Variants in SENP6 observed in about 807,000 individuals in gnomAD.
The protein encoded by SENP6 is SUMO specific peptidase 6, also known as sentrin-specific protease 6.
SENP6 carries 41 observed loss-of-function variants against 134.5 expected under a neutral mutation model. The observed-to-expected ratio is 0.30, with a 90% CI of 0.24 to 0.40. SENP6 has a LOEUF of 0.40. SENP6 is among the 10% of genes least tolerant of loss of function. The pLI is 1.00. For synonymous variants in SENP6, 395 were observed against 429.8 expected (o/e 0.92, Z 1.00); for missense variants, 1,248 against 1,312.5 (o/e 0.95, Z 0.76).
rs948777021 is a variant in SENP6, at chr6:75,679,031, C to A, written c.2075+104C>A. On this transcript the variant is annotated intron_variant, in intron 16 of 23. Transcript: ENST00000447266. ...GCTTTTTGAGTTTTAAATTCCATCT[C>A]TGCCACTTACTGTGTGACATTTGGG... 11 of 622,884 alleles carry A rather than the reference C, an allele frequency of 1.8e-5. No homozygotes were observed. The African/African-American group carries it at 2.1e-4, about 12-fold the overall frequency. 38.6% of individuals were successfully genotyped at this position (622,884 alleles called of 1,614,324 possible).
chr6:75,677,127 G>A lies in SENP6; in HGVS notation c.1719G>A (p.Lys573=). The A allele has an allele frequency of 1.2e-6, 2 of 1,610,560 alleles. No homozygotes were observed. Among genetic ancestry groups the A allele is most frequent in the East Asian group, 4.5e-5 (2 of 44,754 alleles). ...FESIINEIGI[K]NNISNFFAKI... is the part of the protein sequence containing the mutation. Reference sequence around the variant, plus strand: ...GTATCATTAATGAAATTGGTATAAAGAATAACATCTCCAATTTTTTTGCGA... The same window carrying A: ...GTATCATTAATGAAATTGGTATAAAAAATAACATCTCCAATTTTTTTGCGA... The change falls in exon 14 of 24, where the codon AAG becomes AAA. Residue 573 remains lysine (K), a synonymous_variant. Coordinates refer to ENST00000447266, the MANE Select transcript of SENP6 (RefSeq NM_015571.4).
At chr6:75,614,606 G>C (rs148525590) in intron 1 of SENP6, among the ~76,000 whole-genome samples, 48 of 152,256 alleles carry the variant, frequency 3.2e-4, no homozygotes, top group African/African-American at 1.1e-3. Flanking sequence ...TGTGTGGAGA[G>C]ATACTTTGAA....
intron 8 of SENP6, among the ~76,000 whole-genome samples, chr6:75,660,870 G>A (rs472458): frequency 0.31 from 47,053 of 151,870 alleles, 7,948 homozygotes; most frequent in African/African-American, 0.45. Flanking sequence ...ACCTCACGTG[G>A]TCCACCCACC....
Position 75,677,334 on chromosome 6 carries a change from G to A in SENP6, c.1848+78G>A, listed in dbSNP as rs1035626591. On this transcript the variant is annotated intron_variant, in intron 14 of 23. Transcript: ENST00000447266. ...GGGAAATATGTTTTATTTTAATACT[G>A]TTCATTTCAGTGTTAAATCTTTTTA... 4.5e-6 allele frequency: 4 copies of A among 894,396 alleles called. No homozygotes were observed. In the African/African-American group the frequency reaches 6.8e-5, roughly 15 times the overall value. 55.4% of individuals were successfully genotyped at this position (894,396 alleles called of 1,614,324 possible). A position where few individuals can be genotyped will look rare whatever the true frequency, so the allele number is the denominator to read the frequency against.
intron 6 of SENP6, among the ~76,000 whole-genome samples, chr6:75,643,048 G>A (rs1389437128): frequency 1.3e-5 from 2 of 152,056 alleles, no homozygotes; most frequent in Non-Finnish European, 2.9e-5. Context: ...TTTGAATCTT[G>A]GTAACTGTAA....
Position 75,715,539 on chromosome 6 carries a change from C to A in SENP6, c.3284C>A (p.Thr1095Lys). The A allele has an allele frequency of 6.2e-7, 1 of 1,613,340 alleles. No homozygotes were observed. The highest frequency in any genetic ancestry group is 8.5e-7 in the Non-Finnish European group (1 of 1,179,480). Reference sequence around the variant, plus strand: ...AGAAAGCATAAGGACACTTACTCAACAGAAGCACCTTTAGGCGAAGGAACA... The same window carrying A: ...AGAAAGCATAAGGACACTTACTCAAAAGAAGCACCTTTAGGCGAAGGAACA... ...EKRKHKDTYS[T>K]EAPLGEGTEQ... The change falls in exon 24 of 24, where the codon ACA becomes AAA. Residue 1095 changes from threonine (T) to lysine (K), a missense_variant. Thr to Lys is a moderately conservative substitution (Grantham distance 78). Transcript: ENST00000447266.
chr6:75,699,906 C>CTTTTG (rs1217389783), intron 18 of SENP6, among the ~76,000 whole-genome samples: 7 of 152,106 alleles, frequency 4.6e-5, no homozygotes, highest in Admixed American at 2.6e-4. Context: ...TAGGTATTTT[C>CTTTTG]TTTTGTTTTG....
chr6:75,693,410 A>T (rs903611807), intron 16 of SENP6, among the ~76,000 whole-genome samples: 7 of 58,286 alleles, frequency 1.2e-4, no homozygotes, highest in Non-Finnish European at 2.2e-4. Context: ...TCTGAAATTT[A>T]AAAAAAAAAA....
intron 16 of SENP6, among the ~76,000 whole-genome samples, chr6:75,681,657 A>G (rs191053850): frequency 1.2e-4 from 19 of 152,214 alleles, no homozygotes; most frequent in Non-Finnish European, 2.4e-4. Flanking sequence ...CAGTGAGAGA[A>G]CGGACTGATA....
At position 75,678,827 on chromosome 6, in the gene SENP6, C is replaced by A. The variant is rs1258172729; in HGVS notation, c.1975C>A (p.Pro659Thr). Residue 659 changes from proline to threonine, a missense_variant, in exon 16 of 24, where the codon CCA (proline) becomes ACA (threonine). Transcript: ENST00000447266. Reference sequence around the variant, plus strand: ...TTGTTACAGGTTGATAGTATATCCACCACCTCCAGCTAAGGGAGGCATCTC... The same window carrying A: ...TTGTTACAGGTTGATAGTATATCCAACACCTCCAGCTAAGGGAGGCATCTC... ...GPVEKLIVYP[P>T]PPAKGGISVT... 1 of 1,602,422 alleles carries A rather than the reference C, an allele frequency of 6.2e-7. No individual in the cohort carries two copies. The highest frequency in any genetic ancestry group is 8.5e-7 in the Non-Finnish European group (1 of 1,170,354).
At chr6:75,655,732 G>A (rs1370174293) in intron 7 of SENP6, among the ~76,000 whole-genome samples, 4 of 152,108 alleles carry the variant, frequency 2.6e-5, no homozygotes, top group African/African-American at 7.2e-5. Context: ...CAACACCTGG[G>A]TTGTTTCCAG....
chr6:75,603,032 G>GT (rs748585848), intron 1 of SENP6, among the ~76,000 whole-genome samples: 3 of 152,184 alleles, frequency 2.0e-5, no homozygotes, highest in Non-Finnish European at 4.4e-5. Context: ...CCTCTGGTCT[G>GT]TTTCTCAGAG....
intron 2 of SENP6, chr6:75,622,844 G>C (rs1009663873): frequency 2.8e-5 from 36 of 1,282,338 alleles, no homozygotes; most frequent in Non-Finnish European, 3.5e-5. Flanking sequence ...TTATTTGAAG[G>C]AGAGCTTTGA....
At chr6:75,678,207 AG>A (rs1006826699) in intron 14 of SENP6, 24 of 179,718 alleles carry the variant, frequency 1.3e-4, no homozygotes, top group Admixed American at 1.2e-3. Context: ...GTGTTCCCTG[AG>A]CCTCTGCCCC....
intron 1 of SENP6, among the ~76,000 whole-genome samples, chr6:75,607,963 T>A (rs1456977011): frequency 6.6e-6 from 1 of 152,200 alleles, no homozygotes; most frequent in African/African-American, 2.4e-5. Flanking sequence ...GGGTTTCTAG[T>A]TTCTGCCTAC....
In SENP6 at chr6:75,675,421, A is replaced by G. The variant is rs758344169; in HGVS notation, c.1393-14A>G. 5 of 1,380,330 alleles carry G rather than the reference A, an allele frequency of 3.6e-6. No homozygotes were observed. Among genetic ancestry groups the G allele is most frequent in the Non-Finnish European group, 5.0e-6 (5 of 995,148 alleles). 85.5% of individuals were successfully genotyped at this position (1,380,330 alleles called of 1,614,324 possible). ...TGTAAGTCTAGAGCAATACTAATTC[A>G]TCTTTTTTTTTAGTTTTGTTTAGAT... is the stretch of plus-strand genomic sequence containing the variant. On this transcript the variant is annotated splice_polypyrimidine_tract_variant and intron_variant, in intron 11 of 23. Coordinates refer to ENST00000447266, the MANE Select transcript of SENP6 (RefSeq NM_015571.4).
At chr6:75,679,433 T>G (rs191247724) in intron 16 of SENP6, 1 of 156,582 alleles carries the variant, frequency 6.4e-6, no homozygotes, top group Non-Finnish European at 1.4e-5. Flanking sequence ...ACAGGAGTTG[T>G]GAGAATTAAA....
chr6:75,718,275 TATATA>T (rs1176902532), exon 24 of SENP6: 2 of 152,174 alleles, frequency 1.3e-5, no homozygotes, highest in African/African-American at 4.8e-5. Flanking sequence ...CATATTTTAA[TATATA>T]ATATGACCAA....
rs1773052404 is a variant in SENP6 at position 75,675,911 on chromosome 6, A to C, written c.1478A>C (p.Lys493Thr). The C allele has an allele frequency of 6.2e-7, 1 of 1,611,144 alleles. No homozygotes were observed. Among genetic ancestry groups the C allele is most frequent in the African/African-American group, 1.3e-5 (1 of 74,818 alleles). The stretch of plus-strand genomic sequence containing the variant: ...ATATTAAATACCTCTGATCTAACTA[A>C]ATGTGAATGGTGTAATGTCCGAAAA... ...EIILNTSDLT[K>T]CEWCNVRKLP... Residue 493 changes from lysine (K) to threonine (T), a missense_variant, in exon 13 of 24, where the codon AAA (lysine) becomes ACA (threonine). By Grantham distance (78) the Lys-to-Thr change is moderately conservative. This residue lies in a region of SENP6 where 733 missense variants were observed against 725.4 expected (regional missense o/e 1.01). Coordinates refer to ENST00000447266, the MANE Select transcript of SENP6 (RefSeq NM_015571.4).
Sources: allele counts gnomAD v4.1 joint callset (sites outside exome capture counted in the v4.1 genomes callset), GRCh38; gene constraint gnomAD v4.1.1; regional missense constraint gnomAD v4.1.1; transcripts MANE v1.5; gene names NCBI Gene and HGNC (gene_info 2026-07-23, HGNC 2026-07-21).